The following RAB6B variants were observed in gnomAD, a reference collection of about 807,000 sequenced individuals.
RAB6B encodes RAB6B, member RAS oncogene family, also known as ras-related protein Rab-6B.
In RAB6B, 7 loss-of-function variants were observed where a neutral mutation model predicts 31.2. The observed-to-expected ratio is 0.22, with a 90% CI of 0.13 to 0.42. The LOEUF is 0.42. RAB6B is among the 10% of genes least tolerant of loss of function. RAB6B has a pLI of 1.00. For missense variants in RAB6B, 149 were observed against 280.6 expected (o/e 0.53, Z 3.35); for synonymous variants, 105 against 104.9 (o/e 1.00, Z -0.01).
chr3:133,882,911 G>A (rs752106574), intron 1 of RAB6B, among the ~76,000 whole-genome samples: 2 of 152,234 alleles, frequency 1.3e-5, no homozygotes, highest in Non-Finnish European at 2.9e-5. Context: ...AGCCTGCAGT[G>A]TTTGGGTTGA....
rs375566176 is a variant in RAB6B, at chr3:133,838,214, G to A, written c.447C>T (p.Ser149=). ...TCGCACTGGTCTCAATGAACATGAC[G>A]CTCAGTTCTTTGGCGCGCTGCTCCC... ...EEGEQRAKEL[S]VMFIETSAKT... is the part of the protein sequence containing the mutation. Residue 149 remains serine (S), a synonymous_variant, in exon 6 of 8, where the codon AGC becomes AGT. Coordinates refer to ENST00000285208, the MANE Select transcript of RAB6B (RefSeq NM_016577.4). The A allele has an allele frequency of 1.2e-5, 19 of 1,614,070 alleles. No individual in the cohort carries two copies. Among genetic ancestry groups the A allele is most frequent in the South Asian group, 6.6e-5 (6 of 91,096 alleles).
intron 2 of RAB6B, among the ~76,000 whole-genome samples, chr3:133,841,997 A>G (rs1481472768): frequency 6.6e-6 from 1 of 152,234 alleles, no homozygotes; most frequent in Non-Finnish European, 1.5e-5. Context: ...TGCCCTCCCC[A>G]CCTGGACTCC....
rs1576414196 is a variant in RAB6B, at chr3:133,895,573, G to C, written c.-107C>G. ...GCGGCCGGCGGTGCGGGAGCCGGAG[G>C]GGGAAGGGCTGGCTGCGCGCGTCCC... On this transcript the variant is annotated 5_prime_UTR_variant, in exon 1 of 8. Transcript: ENST00000285208. 4.4e-6 allele frequency: 5 copies of C among 1,149,182 alleles called. No individual in the cohort carries two copies. The highest frequency in any genetic ancestry group is 2.1e-4 in the Middle Eastern group (1 of 4,830). The allele number at this position is 1,149,182 out of a possible 1,614,324, so 71.2% of individuals were successfully genotyped here.
At chr3:133,882,701 C>G (rs543359405) in intron 1 of RAB6B, among the ~76,000 whole-genome samples, 2 of 152,342 alleles carry the variant, frequency 1.3e-5, no homozygotes, top group South Asian at 4.1e-4. Context: ...GGTGGAAGGA[C>G]CAGCAGACAC....
intron 1 of RAB6B, among the ~76,000 whole-genome samples, chr3:133,872,470 G>C (rs534137158): frequency 2.4e-4 from 37 of 152,308 alleles, no homozygotes; most frequent in African/African-American, 7.5e-4. Flanking sequence ...CCCAGGCCCT[G>C]TGGTGACAAG....
chr3:133,885,880 T>C (rs1936537864), intron 1 of RAB6B, among the ~76,000 whole-genome samples: 1 of 152,196 alleles, frequency 6.6e-6, no homozygotes, highest in African/African-American at 2.4e-5. Flanking sequence ...GCCCTCTCTA[T>C]AAATTCCATC....
chr3:133,863,432 T>C (rs1936191546), intron 2 of RAB6B, among the ~76,000 whole-genome samples: 1 of 152,168 alleles, frequency 6.6e-6, no homozygotes, highest in African/African-American at 2.4e-5. Flanking sequence ...ACTCTGTAAA[T>C]CCAGAAAGGA....
Position 133,827,749 on chromosome 3 carries a change from C to CA in RAB6B, c.*1038_*1039insT, listed in dbSNP as rs1935590545. ...AGGTGGTGGTTCTGCAGACAACACC[C>CA]CCCCCCCCCCCCGCCTCCCCATCAC... On this transcript the variant is annotated 3_prime_UTR_variant, in exon 8 of 8. Coordinates refer to ENST00000285208, the MANE Select transcript of RAB6B (RefSeq NM_016577.4). The CA allele has an allele frequency of 2.4e-4, 5 of 20,676 alleles. No individual in the cohort carries two copies. The highest frequency in any genetic ancestry group is 1.8e-3 in the South Asian group (1 of 542). The allele number at this position is 20,676 out of a possible 1,614,324, so 1.3% of individuals were successfully genotyped here.
At chr3:133,838,052 TG>T in intron 6 of RAB6B, 113 bp downstream of exon 6, 1 of 1,109,494 alleles carries the variant, frequency 9.0e-7, no homozygotes, top group Admixed American at 1.8e-5. Context: ...TCTGGTTGGC[TG>T]CCCCAATCCC....
intron 1 of RAB6B, among the ~76,000 whole-genome samples, chr3:133,882,368 C>T (rs928768037): frequency 6.6e-6 from 1 of 152,224 alleles, no homozygotes; most frequent in African/African-American, 2.4e-5. Flanking sequence ...AAGCAAGTCA[C>T]AAGTTCCATC....
Position 133,859,408 on chromosome 3 carries a change from C to G in RAB6B, c.129+5176G>C, listed in dbSNP as rs112511416. On this transcript the variant is annotated intron_variant, in intron 2 of 7. Transcript: ENST00000285208. The stretch of plus-strand genomic sequence containing the variant: ...TCCTACAGGTGTCTCTTTTCACGCC[C>G]CTTTTCTATTCCTGGGTTGGGGGTG... Among the ~76,000 whole-genome samples, 233 of 152,270 alleles carry G rather than the reference C, an allele frequency of 1.5e-3. 2 individuals are homozygous for G. Among genetic ancestry groups the G allele is most frequent in the African/African-American group, 5.3e-3 (219 of 41,548 alleles).
intron 7 of RAB6B, among the ~76,000 whole-genome samples, chr3:133,830,549 C>A (rs1338075022): frequency 1.3e-5 from 2 of 152,130 alleles, no homozygotes; most frequent in Non-Finnish European, 2.9e-5. Context: ...CTCCCCCACA[C>A]CCAGCCTTCC....
chr3:133,871,238 C>A (rs1936319247), intron 1 of RAB6B, among the ~76,000 whole-genome samples: 3 of 152,196 alleles, frequency 2.0e-5, no homozygotes, highest in African/African-American at 7.2e-5. Context: ...GAAGTGAGAC[C>A]CAGATCCAAA....
chr3:133,888,814 G>T (rs1936589836), intron 1 of RAB6B, among the ~76,000 whole-genome samples: 2 of 152,118 alleles, frequency 1.3e-5, no homozygotes, highest in African/African-American at 4.8e-5. Context: ...TCCTTCCCTT[G>T]TTCTAGGAAA....
intron 7 of RAB6B, among the ~76,000 whole-genome samples, chr3:133,831,728 C>T (rs2107985567): frequency 6.6e-6 from 1 of 152,342 alleles, no homozygotes; most frequent in African/African-American, 2.4e-5. Context: ...ATGTGCCTTT[C>T]CGGCAGGCAT....
chr3:133,872,686 G>T (rs1222520474), intron 1 of RAB6B, among the ~76,000 whole-genome samples: 1 of 152,240 alleles, frequency 6.6e-6, no homozygotes, highest in Non-Finnish European at 1.5e-5. Flanking sequence ...TCCCACTAGA[G>T]CCCTGAGGGG....
At chr3:133,851,033 C>A (rs561466403) in intron 2 of RAB6B, among the ~76,000 whole-genome samples, 11 of 145,940 alleles carry the variant, frequency 7.5e-5, no homozygotes, top group South Asian at 4.3e-4. Flanking sequence ...AAAAAAAAAA[C>A]CGTGGAAACA....
intron 1 of RAB6B, among the ~76,000 whole-genome samples, chr3:133,891,158 G>A (rs1041843256): frequency 1.3e-5 from 2 of 152,148 alleles, no homozygotes; most frequent in African/African-American, 4.8e-5. Context: ...TCAGGCTGCG[G>A]GCAGAGGAGT....
chr3:133,838,094 G>C (rs973465292), intron 6 of RAB6B, 72 bp downstream of exon 6: 2 of 1,488,078 alleles, frequency 1.3e-6, no homozygotes, highest in Non-Finnish European at 1.9e-6. Context: ...AGGCAGCTCT[G>C]AGCCTGCAGC....
Sources: gnomAD v4.1 joint callset for allele counts (sites outside exome capture counted in the v4.1 genomes callset) on GRCh38, gnomAD v4.1.1 for gene constraint, MANE v1.5 for transcripts, NCBI Gene and HGNC (gene_info 2026-07-23, HGNC 2026-07-21) for gene names.